The following SYN2 variants were observed in gnomAD, a reference collection of about 807,000 sequenced individuals.
SYN2 encodes synapsin-2.
A neutral mutation model predicts 50.9 loss-of-function variants in SYN2; 19 were observed. That is an observed-to-expected ratio of 0.37 (90% CI 0.26 to 0.55). The LOEUF (loss-of-function observed/expected upper bound fraction) is 0.55, where lower values mean the gene tolerates loss of function less well. Ranked by LOEUF, SYN2 falls within the 20% of genes least tolerant of loss-of-function variation. SYN2 has a pLI of 0.81. For synonymous variants in SYN2, 255 were observed against 224.9 expected (o/e 1.13, Z -1.20); for missense variants, 587 against 576.4 (o/e 1.02, Z -0.19).
At chr3:12,043,148 A>G (rs778521402) in intron 1 of SYN2, among the ~76,000 whole-genome samples, 7 of 151,664 alleles carry the variant, frequency 4.6e-5, no homozygotes, top group African/African-American at 9.7e-5. Context: ...TCGGCCTCCC[A>G]AGTAGGTGGG....
intron 1 of SYN2, among the ~76,000 whole-genome samples, chr3:12,065,669 A>G (rs1205965195): frequency 6.6e-6 from 1 of 152,106 alleles, no homozygotes; most frequent in African/African-American, 2.4e-5. Context: ...GTAGACATAA[A>G]GAGGGCAACA....
chr3:12,115,868 TTGTTCATCTC>T, intron 1 of SYN2, among the ~76,000 whole-genome samples: 1 of 152,298 alleles, frequency 6.6e-6, no homozygotes, highest in East Asian at 1.9e-4. Context: ...GGGTCTGGAA[TTGTTCATCTC>T]TGTACACCCA....
chr3:12,176,338 G>C (rs549772001), intron 10 of SYN2, among the ~76,000 whole-genome samples: 2 of 152,120 alleles, frequency 1.3e-5, no homozygotes, highest in African/African-American at 2.4e-5. Flanking sequence ...CATTATACTG[G>C]TTCCACTCTT....
chr3:12,096,460 A>C (rs369025785), intron 1 of SYN2, among the ~76,000 whole-genome samples: 1 of 152,176 alleles, frequency 6.6e-6, no homozygotes, highest in Non-Finnish European at 1.5e-5. Context: ...ATAGGATTCC[A>C]AGTGACATTT....
chr3:12,173,567 C>T (rs976056279), intron 10 of SYN2, among the ~76,000 whole-genome samples: 1 of 152,134 alleles, frequency 6.6e-6, no homozygotes, highest in African/African-American at 2.4e-5. Flanking sequence ...TCTCTCCTAT[C>T]CTCTCTAGTC....
At chr3:12,096,685 GGAGA>G (rs796449321) in intron 1 of SYN2, among the ~76,000 whole-genome samples, 14 of 152,084 alleles carry the variant, frequency 9.2e-5, no homozygotes, top group South Asian at 2.1e-4. Context: ...CCCCAAATAA[GGAGA>G]GAGAGTGAAT....
chr3:12,074,786 A>G (rs1371617504), intron 1 of SYN2, among the ~76,000 whole-genome samples: 3 of 152,122 alleles, frequency 2.0e-5, no homozygotes, highest in Admixed American at 1.3e-4. Flanking sequence ...TGGGCCCAAG[A>G]GACACTAGTT....
chr3:12,057,077 A>G (rs2125159442), intron 1 of SYN2, among the ~76,000 whole-genome samples: 1 of 152,262 alleles, frequency 6.6e-6, no homozygotes, highest in Non-Finnish European at 1.5e-5. Context: ...GGATCACTTG[A>G]GGTCAGGAGT....
In SYN2 at chr3:12,187,619, G is replaced by A. The variant is rs759899525; in HGVS notation, c.1613+7G>A. The A allele has an allele frequency of 6.5e-7, 1 of 1,538,146 alleles. No individual in the cohort carries two copies. The highest frequency in any genetic ancestry group is 8.8e-7 in the Non-Finnish European group (1 of 1,136,130). ...AGCCTCACCCACAGCTCAAGTAAGA[G>A]ACAACTCAGCAGCTCCTCCCTCCCC... On this transcript the variant is annotated splice_region_variant and intron_variant, in intron 12 of 12. Transcript: ENST00000621198.
chr3:12,130,205 TAC>T (rs1279575105), intron 1 of SYN2, among the ~76,000 whole-genome samples: 1 of 149,580 alleles, frequency 6.7e-6, no homozygotes, highest in Non-Finnish European at 1.5e-5. Flanking sequence ...TGTACATATA[TAC>T]ACAGAGAGAT....
intron 2 of SYN2, among the ~76,000 whole-genome samples, chr3:12,141,335 C>T (rs1697013725): frequency 6.6e-6 from 1 of 152,022 alleles, no homozygotes; most frequent in Non-Finnish European, 1.5e-5. Flanking sequence ...TCTCATCATT[C>T]ATTATACAGT....
chr3:12,096,084 C>CA (rs1384950374), intron 1 of SYN2, among the ~76,000 whole-genome samples: 4 of 152,192 alleles, frequency 2.6e-5, no homozygotes, highest in Admixed American at 2.6e-4. Context: ...CTTCCCCTGC[C>CA]ATTCATGACA....
At chr3:12,024,048 A>G (rs973195744) in intron 1 of SYN2, among the ~76,000 whole-genome samples, 1 of 152,028 alleles carries the variant, frequency 6.6e-6, no homozygotes, top group African/African-American at 2.4e-5. Flanking sequence ...TAAGTTTGTA[A>G]CTCATTGAGT....
At chr3:12,175,291 A>G (rs868304546) in intron 10 of SYN2, among the ~76,000 whole-genome samples, 4 of 152,246 alleles carry the variant, frequency 2.6e-5, no homozygotes, top group Non-Finnish European at 5.9e-5. Flanking sequence ...TAGCCCTATC[A>G]GCCTATTGGA....
intron 1 of SYN2, among the ~76,000 whole-genome samples, chr3:12,140,431 G>T (rs1254662917): frequency 1.3e-5 from 2 of 152,086 alleles, no homozygotes; most frequent in African/African-American, 2.4e-5. Flanking sequence ...TGATAATGAA[G>T]GGATGTTTTG....
At chr3:12,048,519 G>A (rs1694790289) in intron 1 of SYN2, among the ~76,000 whole-genome samples, 1 of 152,106 alleles carries the variant, frequency 6.6e-6, no homozygotes, top group Non-Finnish European at 1.5e-5. Context: ...AAGACTGTTT[G>A]CCATATAAAA....
chr3:12,005,439 G>C (rs781058505), intron 1 of SYN2, among the ~76,000 whole-genome samples: 8 of 152,148 alleles, frequency 5.3e-5, no homozygotes, highest in African/African-American at 9.7e-5. Context: ...CTGATATCAA[G>C]TATTGACATC....
intron 1 of SYN2, among the ~76,000 whole-genome samples, chr3:12,025,436 T>C (rs1249701277): frequency 1.3e-5 from 2 of 152,228 alleles, no homozygotes; most frequent in Non-Finnish European, 2.9e-5. Flanking sequence ...TATGAGATAC[T>C]GCCTAAGTGC....
chr3:12,045,905 T>C (rs568314004), intron 1 of SYN2, among the ~76,000 whole-genome samples: 7 of 152,208 alleles, frequency 4.6e-5, no homozygotes, highest in Non-Finnish European at 8.8e-5. Context: ...CAGCATAGTG[T>C]AGTGGGTGAG....
Sources: gnomAD v4.1 joint callset for allele counts (sites outside exome capture counted in the v4.1 genomes callset) on GRCh38, gnomAD v4.1.1 for gene constraint, MANE v1.5 for transcripts, NCBI Gene and HGNC (gene_info 2026-07-23, HGNC 2026-07-21) for gene names.